BAHD1: variants seen among roughly 807,000 people sequenced by gnomAD.
BAHD1 encodes bromo adjacent homology domain containing 1.
In BAHD1, 20 loss-of-function variants were observed where a neutral mutation model predicts 63.1. The ratio of observed to expected loss-of-function variants is 0.32; its 90% CI spans 0.22 to 0.46. BAHD1 has a LOEUF of 0.46. Among genes scored for constraint, BAHD1 ranks in the 20% least tolerant of loss-of-function variants. The pLI, the probability that BAHD1 is intolerant of heterozygous loss-of-function variation, is 1.00. For synonymous variants in BAHD1, 408 were observed against 426.8 expected, an observed-to-expected ratio of 0.96 and a Z score of 0.54; for missense variants, 939 against 1,071.8, an observed-to-expected ratio of 0.88 and a Z score of 1.73.
At chr15:40,452,102 A>G (rs1016092995) in intron 1 of BAHD1, among the ~76,000 whole-genome samples, 4 of 152,254 alleles carry the variant, frequency 2.6e-5, no homozygotes, top group Non-Finnish European at 5.9e-5. Flanking sequence ...ACCCGAGGGC[A>G]GTCTAAAAGC....
At chr15:40,443,774 T>A (rs961139117) in intron 1 of BAHD1, among the ~76,000 whole-genome samples, 2 of 152,184 alleles carry the variant, frequency 1.3e-5, no homozygotes, top group Non-Finnish European at 2.9e-5. Flanking sequence ...TCATTCTTCC[T>A]AAAACACCCC....
At chr15:40,464,794 G>C in intron 5 of BAHD1, 1 of 522,126 alleles carries the variant, frequency 1.9e-6, no homozygotes, top group South Asian at 2.4e-5. Flanking sequence ...GAACCCTTGA[G>C]GTAGCAGGTG....
At chr15:40,448,836 CTTT>C (rs71132183) in intron 1 of BAHD1, among the ~76,000 whole-genome samples, 4,711 of 132,142 alleles carry the variant, frequency 0.036, 122 homozygotes, top group African/African-American at 0.086. Flanking sequence ...CCTTTTAACT[CTTT>C]TTTTTTTTTT....
In BAHD1 at chr15:40,462,241, A is replaced by C. The variant is rs760774172; in HGVS notation, c.1762A>C (p.Thr588Pro). 1 of 1,611,472 alleles carries C rather than the reference A, an allele frequency of 6.2e-7. No homozygotes were observed. The highest frequency in any genetic ancestry group is 8.5e-7 in the Non-Finnish European group (1 of 1,178,960). Residue 588 changes from threonine (T) to proline (P), a missense_variant, in exon 3 of 7, where the codon ACT becomes CCT. Physicochemically the swap from Thr to Pro is conservative, Grantham distance 38 (BLOSUM62 -1). This residue lies in a region of BAHD1 where 797 missense variants were observed against 813.3 expected (regional missense o/e 0.98). Coordinates refer to ENST00000416165, the MANE Select transcript of BAHD1 (RefSeq NM_014952.5). ...PRPRRRRRRR[T>P]NGWVPVGAAC... is the part of the protein sequence containing the mutation. ...CCCTCGCCGCCGCCGTCGCCGCCGCACTAATGGCTGGGTACCTGTTGGGGC... is the reference window on the plus strand; with the variant it reads ...CCCTCGCCGCCGCCGTCGCCGCCGCCCTAATGGCTGGGTACCTGTTGGGGC...
Position 40,464,039 on chromosome 15 carries a change from G to C in BAHD1, c.1975+19G>C, listed in dbSNP as rs372507246. The C allele has an allele frequency of 6.2e-7, 1 of 1,612,448 alleles. No individual in the cohort carries two copies. On this transcript the variant is annotated intron_variant, in intron 4 of 6. Transcript: ENST00000416165. ...GAGTCAGGTACCTCTCCCTCTGGCT[G>C]GGGACCCAAGGGGCAGCTGCCTTCA...
chr15:40,460,039 C>G (rs1186194996), intron 2 of BAHD1, 143 bp downstream of exon 2: 2 of 1,092,102 alleles, frequency 1.8e-6, no homozygotes, highest in African/African-American at 1.6e-5. Flanking sequence ...GTGAGAACTC[C>G]CGTAGTCTGT....
intron 3 of BAHD1, 102 bp from the exon 4 acceptor site, chr15:40,463,759 G>T: frequency 7.6e-7 from 1 of 1,324,210 alleles, no homozygotes; most frequent in South Asian, 1.4e-5. Flanking sequence ...GTAGTGGTTT[G>T]ACTATCTTGA....
Position 40,459,285 on chromosome 15 carries a change from G to T in BAHD1, c.821G>T (p.Gly274Val), listed in dbSNP as rs1200876354. ...ASSGEAAGPP[G>V]WQGCPDEPWP... is the part of the protein sequence containing the mutation. The stretch of plus-strand genomic sequence containing the variant: ...TCTGGGGAGGCTGCAGGCCCACCTG[G>T]CTGGCAAGGCTGCCCTGATGAACCA... The change falls in exon 2 of 7, where the codon GGC (glycine) becomes GTC (valine). Residue 274 changes from glycine (G) to valine (V), a missense_variant. Coordinates refer to ENST00000416165, the MANE Select transcript of BAHD1 (RefSeq NM_014952.5). 6.2e-7 allele frequency: 1 copy of T among 1,612,942 alleles called. No homozygotes were observed. The highest frequency in any genetic ancestry group is 1.3e-5 in the African/African-American group (1 of 75,078).
Position 40,464,510 on chromosome 15 carries a change from A to C in BAHD1, c.2015A>C (p.Glu672Ala). The C allele has an allele frequency of 6.2e-7, 1 of 1,613,708 alleles. No homozygotes were observed. The highest frequency in any genetic ancestry group is 8.5e-7 in the Non-Finnish European group (1 of 1,179,880). Residue 672 changes from glutamate to alanine, a missense_variant, in exon 5 of 7, where the codon GAG becomes GCG. Transcript: ENST00000416165. ...AGCCTCCTGTGGTATTACAGACCTG[A>C]GCACTTACAGGGAGGCCGCAGTCCC... ...MMSLLWYYRP[E>A]HLQGGRSPSM...
Position 40,441,675 on chromosome 15 carries a change from G to T in BAHD1, c.-15+407G>T, listed in dbSNP as rs1465217652. 2.7e-5 allele frequency among the ~76,000 whole-genome samples: 4 copies of T among 147,816 alleles called. No homozygotes were observed. The South Asian group carries it at 8.3e-4, about 31-fold the overall frequency. On this transcript the variant is annotated intron_variant, in intron 1 of 6. Coordinates refer to ENST00000416165, the MANE Select transcript of BAHD1 (RefSeq NM_014952.5). ...GGGAGGACGCCGGTCTTTCCTCGCC[G>T]CGGCGGAGCCGGCTCGCCTCCGAGT...
rs1893391739 is a variant in BAHD1, at chr15:40,441,255, C to CGCCGCCCGT, written c.-27_-19dup. On this transcript the variant is annotated 5_prime_UTR_variant, in exon 1 of 7. Coordinates refer to ENST00000416165, the MANE Select transcript of BAHD1 (RefSeq NM_014952.5). Reference sequence around the variant, plus strand: ...CGGGCGCCCAGAGCCGCGCCGTCCGCGCCGCCCGTTCTGGTGAGTCAGGGG... The same window carrying CGCCGCCCGT: ...CGGGCGCCCAGAGCCGCGCCGTCCGCGCCGCCCGTGCCGCCCGTTCTGGTGAGTCAGGGG... 1 of 151,486 alleles carries CGCCGCCCGT rather than the reference C, an allele frequency of 6.6e-6. No homozygotes were observed. Among genetic ancestry groups the CGCCGCCCGT allele is most frequent in the Admixed American group, 6.6e-5 (1 of 15,190 alleles). 9.4% of individuals were successfully genotyped at this position (151,486 alleles called of 1,614,324 possible). A position where few individuals can be genotyped will look rare whatever the true frequency, so the allele number is the denominator to read the frequency against.
chr15:40,464,183 T>C, intron 4 of BAHD1, 163 bp downstream of exon 4: 1 of 863,638 alleles, frequency 1.2e-6, no homozygotes, highest in South Asian at 1.8e-5. Flanking sequence ...TGCCGAGGGC[T>C]GTGGGTGACC....
intron 3 of BAHD1, among the ~76,000 whole-genome samples, chr15:40,462,801 T>C (rs546241724): frequency 6.6e-6 from 1 of 152,242 alleles, no homozygotes; most frequent in Admixed American, 6.5e-5. Flanking sequence ...AAGACGAGCC[T>C]GAGCAATATA....
At chr15:40,440,541 T>G (rs1595842165), upstream of BAHD1, among the ~76,000 whole-genome samples, 2 of 93,104 alleles carry the variant, frequency 2.1e-5, no homozygotes, top group Admixed American at 1.2e-4. Context: ...TGCGGAGGGG[T>G]GATGGCCAGG....
At chr15:40,452,756 C>T (rs1235145877) in intron 1 of BAHD1, among the ~76,000 whole-genome samples, 1 of 151,684 alleles carries the variant, frequency 6.6e-6, no homozygotes, top group East Asian at 1.9e-4. Flanking sequence ...GGTGGGGTTG[C>T]TGTATGGTGC....
rs1338461091 is a variant in BAHD1 at position 40,440,979 on chromosome 15, G to A, written c.-304G>A. ...AGTTTGTGGGGGAACCGCGAGCGGC[G>A]TAGCGGATCCCGGAGCCCGGCCCCC... On this transcript the variant is annotated 5_prime_UTR_variant, in exon 1 of 7. Transcript: ENST00000416165. 1.3e-5 allele frequency among the ~76,000 whole-genome samples: 2 copies of A among 151,202 alleles called. No individual in the cohort carries two copies. The highest frequency in any genetic ancestry group is 3.0e-5 in the Non-Finnish European group (2 of 67,698).
chr15:40,464,199 G>T, intron 4 of BAHD1, 179 bp downstream of exon 4: 1 of 787,362 alleles, frequency 1.3e-6, no homozygotes. Context: ...TGACCTTGTG[G>T]CTTGGGTTGG....
chr15:40,465,207 A>C, intron 5 of BAHD1, 128 bp from the exon 6 acceptor site: 2 of 774,914 alleles, frequency 2.6e-6, no homozygotes, highest in South Asian at 3.3e-5. Flanking sequence ...ACTTAGGCTG[A>C]ATTTCCAGGG....
chr15:40,445,659 G>A (rs1000964166), intron 1 of BAHD1, among the ~76,000 whole-genome samples: 7 of 152,210 alleles, frequency 4.6e-5, no homozygotes, highest in Admixed American at 2.0e-4. Context: ...AGCATTATAC[G>A]AACAGCCCCG....
Sources: gnomAD v4.1 joint callset for allele counts (sites outside exome capture counted in the v4.1 genomes callset) on GRCh38, gnomAD v4.1.1 for gene constraint, gnomAD v4.1.1 regional missense constraint, MANE v1.5 for transcripts, NCBI Gene and HGNC (gene_info 2026-07-23, HGNC 2026-07-21) for gene names.